Variants in RNASE4 observed in about 807,000 individuals in gnomAD.
The protein encoded by RNASE4 is ribonuclease 4.
For missense variants in RNASE4, 194 were observed against 192.8 expected (o/e 1.01, Z -0.04); for synonymous variants, 93 against 71.4 (o/e 1.30, Z -1.52).
chr14:20,692,596 G>A (rs1431559834), intron 1 of RNASE4, among the ~76,000 whole-genome samples: 1 of 152,218 alleles, frequency 6.6e-6, no homozygotes. Context: ...CACTCTTTAT[G>A]AGAATCTAAC....
At chr14:20,689,778 T>C (rs1886615784) in intron 1 of RNASE4, among the ~76,000 whole-genome samples, 3 of 149,980 alleles carry the variant, frequency 2.0e-5, no homozygotes, top group South Asian at 2.1e-4. Context: ...TAGCCAAGCG[T>C]GGTGGTGGCC....
At chr14:20,689,211 G>A (rs1886570480) in intron 1 of RNASE4, among the ~76,000 whole-genome samples, 1 of 152,212 alleles carries the variant, frequency 6.6e-6, no homozygotes, top group African/African-American at 2.4e-5. Flanking sequence ...GGCTTAACAA[G>A]GAAAGAAACA....
chr14:20,693,954 T>C (rs1886966321), intron 1 of RNASE4: 1 of 1,614,120 alleles, frequency 6.2e-7, no homozygotes, highest in Non-Finnish European at 8.5e-7. Flanking sequence ...TTGTTGTTGC[T>C]TGTGAAAATG....
At chr14:20,690,577 G>A (rs1886694156) in intron 1 of RNASE4, among the ~76,000 whole-genome samples, 2 of 152,118 alleles carry the variant, frequency 1.3e-5, no homozygotes, top group Non-Finnish European at 2.9e-5. Context: ...ATGTCTTAGG[G>A]AATCAAGATT....
chr14:20,690,254 G>C (rs866423922), intron 1 of RNASE4, among the ~76,000 whole-genome samples: 1 of 129,398 alleles, frequency 7.7e-6, no homozygotes, highest in Non-Finnish European at 1.7e-5. Context: ...AAAAAGAAAA[G>C]AAAAGAAAAA....
Position 20,701,089 on chromosome 14 carries a change from G to A in RNASE4, c.*1274G>A, listed in dbSNP as rs1416406003. ...TGCCCGCTAGAGAATAACCCACTTT[G>A]ACCGTAATTTCCCACTACCAACCCA... On this transcript the variant is annotated 3_prime_UTR_variant, in exon 2 of 2. Coordinates refer to ENST00000555835, the MANE Select transcript of RNASE4 (RefSeq NM_002937.5). 6.6e-6 allele frequency: 1 copy of A among 152,148 alleles called. No individual in the cohort carries two copies. Among genetic ancestry groups the A allele is most frequent in the Admixed American group, 6.5e-5 (1 of 15,272 alleles). The allele number at this position is 152,148 out of a possible 1,614,324, so 9.4% of individuals were successfully genotyped here. A position where few individuals can be genotyped will look rare whatever the true frequency, so the allele number is the denominator to read the frequency against.
rs772399740 is a variant in RNASE4, at chr14:20,699,450, T to C, written c.79T>C (p.Tyr27His). ...LLGLGLVQPSYGQDGMYQRFL... is the reference protein window; with the variant it reads ...LLGLGLVQPSHGQDGMYQRFL... ...GGGGCTGGGGCTGGTCCAGCCCTCC[T>C]ATGGCCAGGATGGCATGTACCAGCG... The change falls in exon 2 of 2, where the codon TAT becomes CAT. Residue 27 changes from tyrosine to histidine, a missense_variant. Tyr to His is a moderately conservative substitution (Grantham distance 83). Transcript: ENST00000555835. 15 of 1,613,628 alleles carry C rather than the reference T, an allele frequency of 9.3e-6. No individual in the cohort carries two copies. Among genetic ancestry groups the C allele is most frequent in the Middle Eastern group, 1.6e-4 (1 of 6,084 alleles).
At chr14:20,687,585 T>C (rs1208518176) in intron 1 of RNASE4, among the ~76,000 whole-genome samples, 1 of 152,232 alleles carries the variant, frequency 6.6e-6, no homozygotes, top group Non-Finnish European at 1.5e-5. Flanking sequence ...AGTTTTCTCC[T>C]TGCTTATGAA....
intron 1 of RNASE4, among the ~76,000 whole-genome samples, chr14:20,687,993 A>G (rs1886502459): frequency 1.3e-5 from 2 of 152,226 alleles, no homozygotes; most frequent in Admixed American, 6.5e-5. Context: ...TATGAGATCT[A>G]TAAGGTGATC....
intron 1 of RNASE4, among the ~76,000 whole-genome samples, chr14:20,690,413 C>A (rs17242776): frequency 6.6e-6 from 1 of 152,034 alleles, no homozygotes; most frequent in Non-Finnish European, 1.5e-5. Flanking sequence ...TTTTACACCA[C>A]AAACGATCTG....
At chr14:20,697,325 C>T (rs1037235449) in intron 1 of RNASE4, among the ~76,000 whole-genome samples, 1 of 152,142 alleles carries the variant, frequency 6.6e-6, no homozygotes, top group African/African-American at 2.4e-5. Context: ...AAGCTATAAT[C>T]CAAGTACTAA....
intron 1 of RNASE4, among the ~76,000 whole-genome samples, chr14:20,687,461 T>C (rs1886479284): frequency 6.6e-6 from 1 of 152,188 alleles, no homozygotes; most frequent in Non-Finnish European, 1.5e-5. Flanking sequence ...AATTGGTGCT[T>C]CAGGCCATGG....
Position 20,698,650 on chromosome 14 carries a change from G to A in RNASE4, c.-17-705G>A, listed in dbSNP as rs561270427. ...AATAGAATTAAAAGGATTTCCAAAAGGACCTGATTTTACATTAGAATTAGA... is the reference window on the plus strand; with the variant it reads ...AATAGAATTAAAAGGATTTCCAAAAAGACCTGATTTTACATTAGAATTAGA... On this transcript the variant is annotated intron_variant, in intron 1 of 1. Coordinates refer to ENST00000555835, the MANE Select transcript of RNASE4 (RefSeq NM_002937.5). Among the ~76,000 whole-genome samples the A allele has an allele frequency of 7.3e-5, 11 of 151,528 alleles. No individual in the cohort carries two copies. The East Asian group carries it at 2.1e-3, about 29-fold the overall frequency.
chr14:20,697,640 C>A (rs1566604927), intron 1 of RNASE4, among the ~76,000 whole-genome samples: 1 of 152,210 alleles, frequency 6.6e-6, no homozygotes, highest in Non-Finnish European at 1.5e-5. Flanking sequence ...GAAGCCATTT[C>A]AGTCATTCAC....
At chr14:20,696,462 A>G (rs1887097768) in intron 1 of RNASE4, among the ~76,000 whole-genome samples, 1 of 152,192 alleles carries the variant, frequency 6.6e-6, no homozygotes, top group Admixed American at 6.5e-5. Flanking sequence ...TGGCTTTGCA[A>G]GGAAAAAGAA....
Position 20,699,719 on chromosome 14 carries a change from G to A in RNASE4, c.348G>A (p.Arg116=), listed in dbSNP as rs774877335. ...ATTGCAGGGACACAGGAAGTTCCAG[G>A]GCACCCAACTGCAGATATCGGGCCA... is the stretch of plus-strand genomic sequence containing the variant. ...VTDCRDTGSS[R]APNCRYRAIA... is the part of the protein sequence containing the mutation. Residue 116 remains arginine, a synonymous_variant, in exon 2 of 2, where the codon AGG becomes AGA. Transcript: ENST00000555835. 1 of 1,610,296 alleles carries A rather than the reference G, an allele frequency of 6.2e-7. No individual in the cohort carries two copies. Among genetic ancestry groups the A allele is most frequent in the Non-Finnish European group, 8.5e-7 (1 of 1,180,020 alleles).
chr14:20,692,415 A>G (rs1886806739), intron 1 of RNASE4, among the ~76,000 whole-genome samples: 1 of 152,202 alleles, frequency 6.6e-6, no homozygotes, highest in African/African-American at 2.4e-5. Context: ...AAACAATTTT[A>G]TGGTTGACTC....
rs1202989161 is a variant in RNASE4 at position 20,700,701 on chromosome 14, G to A, written c.*886G>A. ...AATAACCTCATAAACTCTGGTCAAA[G>A]ACTAATGCCTATCAGATCCATGACC... On this transcript the variant is annotated 3_prime_UTR_variant, in exon 2 of 2. Coordinates refer to ENST00000555835, the MANE Select transcript of RNASE4 (RefSeq NM_002937.5). 6.0e-6 allele frequency: 1 copy of A among 166,380 alleles called. No individual in the cohort carries two copies. The highest frequency in any genetic ancestry group is 1.5e-5 in the Non-Finnish European group (1 of 68,110). The allele number at this position is 166,380 out of a possible 1,614,324, so 10.3% of individuals were successfully genotyped here. A position where few individuals can be genotyped will look rare whatever the true frequency, so the allele number is the denominator to read the frequency against.
At position 20,699,570 on chromosome 14, in the gene RNASE4, T is replaced by C. The variant is rs757568118; in HGVS notation, c.199T>C (p.Cys67Arg). 6.2e-7 allele frequency: 1 copy of C among 1,614,244 alleles called. No individual in the cohort carries two copies. The highest frequency in any genetic ancestry group is 8.5e-7 in the Non-Finnish European group (1 of 1,180,054). Reference protein sequence around the residue: ...MQRRKMTLYHCKRFNTFIHED... With the variant: ...MQRRKMTLYHRKRFNTFIHED... ...AAGACGGAAGATGACTTTGTATCAC[T>C]GCAAGCGCTTCAACACCTTCATCCA... is the stretch of plus-strand genomic sequence containing the variant. The change falls in exon 2 of 2, where the codon TGC becomes CGC. Residue 67 changes from cysteine (C) to arginine (R), a missense_variant. By Grantham distance (180) the Cys-to-Arg change is radical. Transcript: ENST00000555835.
Sources: allele counts gnomAD v4.1 joint callset (sites outside exome capture counted in the v4.1 genomes callset), GRCh38; gene constraint gnomAD v4.1.1; transcripts MANE v1.5; gene names NCBI Gene and HGNC (gene_info 2026-07-23, HGNC 2026-07-21).